GPR75: variants seen among roughly 807,000 people sequenced by gnomAD.
The protein encoded by GPR75 is G protein-coupled receptor 75.
Under a neutral mutation model 26.0 loss-of-function variants are expected in GPR75, and 27 were observed. That is an observed-to-expected ratio of 1.04 (90% CI 0.77 to 1.43). GPR75 has a LOEUF of 1.43. GPR75 is among the 40% of genes most tolerant of loss of function. The pLI, the probability that GPR75 is intolerant of heterozygous loss-of-function variation, is 0.00. For synonymous variants in GPR75, 285 were observed against 256.3 expected, an observed-to-expected ratio of 1.11 and a Z score of -1.07; for missense variants, 699 against 662.3, an observed-to-expected ratio of 1.06 and a Z score of -0.61.
rs146356198 is a variant in GPR75, at chr2:53,854,327, G to A, written c.430C>T (p.Leu144Phe). ...GGCTGTTTCCCCAACACCATCCGGA[G>A]CCGGTGCAGGGCGATCACTGCCACT... is the stretch of plus-strand genomic sequence containing the variant. The part of the protein sequence containing the change: ...KTVAVIALHR[L>F]RMVLGKQPNR... The change falls in exon 2 of 2, where the codon CTC (leucine) becomes TTC (phenylalanine). Residue 144 changes from leucine (L) to phenylalanine (F), a missense_variant. By Grantham distance (22) the Leu-to-Phe change is conservative. Coordinates refer to ENST00000394705, the MANE Select transcript of GPR75 (RefSeq NM_006794.4). 1.2e-6 allele frequency: 2 copies of A among 1,613,936 alleles called. No homozygotes were observed. The highest frequency in any genetic ancestry group is 1.7e-6 in the Non-Finnish European group (2 of 1,180,012).
In GPR75 at chr2:53,853,822, G is replaced by C; in HGVS notation, c.935C>G (p.Ser312Cys). The C allele has an allele frequency of 6.2e-7, 1 of 1,614,180 alleles. No individual in the cohort carries two copies. The highest frequency in any genetic ancestry group is 8.5e-7 in the Non-Finnish European group (1 of 1,180,014). ...RLQLVSAINL[S>C]TAKDSKAVVT... is the part of the protein sequence containing the mutation. The stretch of plus-strand genomic sequence containing the variant: ...CACGGCTTTGGAATCCTTGGCAGTG[G>C]AGAGGTTGATGGCTGATACGAGCTG... Residue 312 changes from serine (S) to cysteine (C), a missense_variant, in exon 2 of 2, where the codon TCC (serine) becomes TGC (cysteine). Ser to Cys is a moderately radical substitution (Grantham distance 112). Transcript: ENST00000394705.
At position 53,855,935 on chromosome 2, in the gene GPR75, T is replaced by C. The variant is rs1013507448; in HGVS notation, c.-109-1070A>G. 3.3e-5 allele frequency among the ~76,000 whole-genome samples: 5 copies of C among 152,198 alleles called. No individual in the cohort carries two copies. The East Asian group carries it at 9.6e-4, about 29-fold the overall frequency. On this transcript the variant is annotated intron_variant, in intron 1 of 1. Transcript: ENST00000394705. Reference sequence around the variant, plus strand: ...ACGGAAAACTGGAAGTAACCAAGGATGTTGGAATTATATTAGAAATTTACA... The same window carrying C: ...ACGGAAAACTGGAAGTAACCAAGGACGTTGGAATTATATTAGAAATTTACA...
chr2:53,853,546 T>G lies in GPR75; in HGVS notation c.1211A>C (p.Lys404Thr), dbSNP rs1389376394. ...IGLGFFCCKQKTRLRAMGKGN... is the reference protein window; with the variant it reads ...IGLGFFCCKQTTRLRAMGKGN... The stretch of plus-strand genomic sequence containing the variant: ...TTTTCCCATGGCTCGAAGTCGAGTC[T>G]TTTGTTTGCAGCAGAAAAAACCCAG... The change falls in exon 2 of 2, where the codon AAG (lysine) becomes ACG (threonine). Residue 404 changes from lysine to threonine, a missense_variant. By Grantham distance (78) the Lys-to-Thr change is moderately conservative. Transcript: ENST00000394705. 6.2e-7 allele frequency: 1 copy of G among 1,614,214 alleles called. No individual in the cohort carries two copies. Among genetic ancestry groups the G allele is most frequent in the Non-Finnish European group, 8.5e-7 (1 of 1,180,034 alleles).
rs1470672317 is a variant in GPR75, at chr2:53,853,106, T to G, written c.*28A>C. The G allele has an allele frequency of 6.5e-7, 1 of 1,542,196 alleles. No individual in the cohort carries two copies. Among genetic ancestry groups the G allele is most frequent in the Non-Finnish European group, 8.9e-7 (1 of 1,128,604 alleles). On this transcript the variant is annotated 3_prime_UTR_variant, in exon 2 of 2. Transcript: ENST00000394705. ...ATTACTATCAGAAACAAAAACTGTT[T>G]ACATAAGATCCTATAGCCTCCATGA...
At position 53,854,601 on chromosome 2, in the gene GPR75, G is replaced by C; in HGVS notation, c.156C>G (p.Ile52Met). Residue 52 changes from isoleucine (I) to methionine (M), a missense_variant, in exon 2 of 2, where the codon ATC (isoleucine) becomes ATG (methionine). By Grantham distance (10) the Ile-to-Met change is conservative. Transcript: ENST00000394705. ...LVTCTFLLAVIFCLGSYGNFI... is the reference protein window; with the variant it reads ...LVTCTFLLAVMFCLGSYGNFI... ...AGTTGCCATAGGAACCCAGGCAGAA[G>C]ATGACCGCCAGTAGAAAAGTACAGG... is the stretch of plus-strand genomic sequence containing the variant. The C allele has an allele frequency of 6.2e-7, 1 of 1,614,128 alleles. No homozygotes were observed.
In GPR75 at chr2:53,853,689, C is replaced by G. The variant is rs1185725846; in HGVS notation, c.1068G>C (p.Gln356His). 1 of 1,613,676 alleles carries G rather than the reference C, an allele frequency of 6.2e-7. No individual in the cohort carries two copies. Among genetic ancestry groups the G allele is most frequent in the South Asian group, 1.1e-5 (1 of 91,070 alleles). The change falls in exon 2 of 2, where the codon CAG becomes CAC. Residue 356 changes from glutamine (Q) to histidine (H), a missense_variant. Coordinates refer to ENST00000394705, the MANE Select transcript of GPR75 (RefSeq NM_006794.4). ...TAAGAGTAAATCCAAACAATTCAAA[C>G]TGGTAAAGAATGAAGCTCCCATTGC... ...LSSNGSFILY[Q>H]FELFGFTLIF...
rs1272731285 is a variant in GPR75 at position 53,853,660 on chromosome 2, A to T, written c.1097T>A (p.Phe366Tyr). 1.2e-6 allele frequency: 2 copies of T among 1,614,060 alleles called. No individual in the cohort carries two copies. Among genetic ancestry groups the T allele is most frequent in the Admixed American group, 3.3e-5 (2 of 60,020 alleles). Residue 366 changes from phenylalanine to tyrosine, a missense_variant, in exon 2 of 2, where the codon TTT (phenylalanine) becomes TAT (tyrosine). Phe to Tyr is a conservative substitution (Grantham distance 22). Transcript: ENST00000394705. Reference protein sequence around the residue: ...QFELFGFTLIFFKSGLNPFIY... With the variant: ...QFELFGFTLIYFKSGLNPFIY... Reference sequence around the variant, plus strand: ...AAAAGGGTTTAATCCTGACTTGAAAAATATAAGAGTAAATCCAAACAATTC... The same window carrying T: ...AAAAGGGTTTAATCCTGACTTGAAATATATAAGAGTAAATCCAAACAATTC...
chr2:53,854,015 T>C lies in GPR75; in HGVS notation c.742A>G (p.Arg248Gly). 1 of 1,614,212 alleles carries C rather than the reference T, an allele frequency of 6.2e-7. No individual in the cohort carries two copies. Among genetic ancestry groups the C allele is most frequent in the Non-Finnish European group, 8.5e-7 (1 of 1,180,022 alleles). Reference sequence around the variant, plus strand: ...GGGACCCCCATGAAAGGCTGTGGTCTGGAAGCATCGACTGTGATTACAGGG... The same window carrying C: ...GGGACCCCCATGAAAGGCTGTGGTCCGGAAGCATCGACTGTGATTACAGGG... ...CPPVITVDAS[R>G]PQPFMGVPVQ... The change falls in exon 2 of 2, where the codon AGA becomes GGA. Residue 248 changes from arginine (R) to glycine (G), a missense_variant. Coordinates refer to ENST00000394705, the MANE Select transcript of GPR75 (RefSeq NM_006794.4).
chr2:53,853,482 A>G lies in GPR75; in HGVS notation c.1275T>C (p.His425=). Residue 425 remains histidine, a synonymous_variant, in exon 2 of 2, where the codon CAT becomes CAC. Coordinates refer to ENST00000394705, the MANE Select transcript of GPR75 (RefSeq NM_006794.4). ...LEVNRNKSSH[H]ETNSAYMLSP... ...ATAACATGTAGGCAGAGTTTGTTTC[A>G]TGATGGGAGGATTTGTTTCTGTTGA... 1.2e-6 allele frequency: 2 copies of G among 1,614,142 alleles called. No homozygotes were observed. The highest frequency in any genetic ancestry group is 1.7e-6 in the Non-Finnish European group (2 of 1,179,996).
intron 1 of GPR75, among the ~76,000 whole-genome samples, chr2:53,856,345 G>T (rs1261573063): frequency 6.6e-6 from 1 of 152,188 alleles, no homozygotes; most frequent in African/African-American, 2.4e-5. Context: ...CTTGGAGACA[G>T]CACTATGTTC....
chr2:53,859,504 G>A (rs926002975), intron 1 of GPR75, among the ~76,000 whole-genome samples: 3 of 152,012 alleles, frequency 2.0e-5, no homozygotes, highest in African/African-American at 7.2e-5. Context: ...GGGGCTTCCC[G>A]GAGAAGGGTG....
Position 53,854,158 on chromosome 2 carries a change from C to A in GPR75, c.599G>T (p.Gly200Val). 6.2e-7 allele frequency: 1 copy of A among 1,614,128 alleles called. No individual in the cohort carries two copies. The highest frequency in any genetic ancestry group is 1.3e-5 in the African/African-American group (1 of 75,022). The change falls in exon 2 of 2, where the codon GGG (glycine) becomes GTG (valine). Residue 200 changes from glycine (G) to valine (V), a missense_variant. By Grantham distance (109) the Gly-to-Val change is moderately radical. Transcript: ENST00000394705. ...LPMSSLIAGKGKAILSLYVVD... is the reference protein window; with the variant it reads ...LPMSSLIAGKVKAILSLYVVD... Reference sequence around the variant, plus strand: ...CACATAGAGAGACAAAATGGCTTTCCCTTTTCCAGCAATCAGACTGGACAT... The same window carrying A: ...CACATAGAGAGACAAAATGGCTTTCACTTTTCCAGCAATCAGACTGGACAT...
rs1440470023 is a variant in GPR75 at position 53,853,008 on chromosome 2, C to T, written c.*126G>A. 2 of 661,032 alleles carry T rather than the reference C, an allele frequency of 3.0e-6. No homozygotes were observed. The highest frequency in any genetic ancestry group is 5.1e-6 in the Non-Finnish European group (2 of 391,128). The allele number at this position is 661,032 out of a possible 1,614,324, so 40.9% of individuals were successfully genotyped here. On this transcript the variant is annotated 3_prime_UTR_variant, in exon 2 of 2. Coordinates refer to ENST00000394705, the MANE Select transcript of GPR75 (RefSeq NM_006794.4). ...TACTGACACATCAGATGAAAGAAAA[C>T]CATAACTGCCAACTTTTCAGTTGAA...
rs149424777 is a variant in GPR75, at chr2:53,854,413, T to G, written c.344A>C (p.Asp115Ala). The G allele has an allele frequency of 6.2e-7, 1 of 1,614,034 alleles. No individual in the cohort carries two copies. Among genetic ancestry groups the G allele is most frequent in the African/African-American group, 1.3e-5 (1 of 75,012 alleles). ...GAGATGGAAAGTGAAGCAGAAAGCA[T>G]CCGGGATACTACTGGCTGAGCTGAA... ...LFFSSASSIP[D>A]AFCFTFHLTS... is the part of the protein sequence containing the mutation. Residue 115 changes from aspartate to alanine, a missense_variant, in exon 2 of 2, where the codon GAT (aspartate) becomes GCT (alanine). Coordinates refer to ENST00000394705, the MANE Select transcript of GPR75 (RefSeq NM_006794.4).
Position 53,859,958 on chromosome 2 carries a change from G to T in GPR75, c.-240C>A. On this transcript the variant is annotated 5_prime_UTR_variant, in exon 1 of 2. Transcript: ENST00000394705. ...ACCGCCTCCGCGCATCCCGGGAGCCGCGGCAAGACGCGGGCGCAGAGGCGC... is the reference window on the plus strand; with the variant it reads ...ACCGCCTCCGCGCATCCCGGGAGCCTCGGCAAGACGCGGGCGCAGAGGCGC... 1.4e-6 allele frequency: 2 copies of T among 1,474,022 alleles called. No individual in the cohort carries two copies. The highest frequency in any genetic ancestry group is 1.3e-5 in the South Asian group (1 of 78,832). 91.3% of individuals were successfully genotyped at this position (1,474,022 alleles called of 1,614,324 possible).
chr2:53,859,766 C>T, intron 1 of GPR75, 62 bp downstream of exon 1: 5 of 1,325,066 alleles, frequency 3.8e-6, no homozygotes, highest in Non-Finnish European at 5.1e-6. Flanking sequence ...ATCCCGCCAG[C>T]CTCCGGGAGC....
intron 1 of GPR75, among the ~76,000 whole-genome samples, chr2:53,856,277 G>C (rs1347563930): frequency 6.6e-6 from 1 of 152,052 alleles, no homozygotes; most frequent in Non-Finnish European, 1.5e-5. Context: ...AGTCCTGCAA[G>C]GGTTGGTGCC....
At position 53,853,777 on chromosome 2, in the gene GPR75, A is replaced by C. The variant is rs1678152238; in HGVS notation, c.980T>G (p.Val327Gly). The change falls in exon 2 of 2, where the codon GTG (valine) becomes GGG (glycine). Residue 327 changes from valine (V) to glycine (G), a missense_variant. Physicochemically the swap from Val to Gly is moderately radical, Grantham distance 109. Coordinates refer to ENST00000394705, the MANE Select transcript of GPR75 (RefSeq NM_006794.4). ...AAGACAGCACACCAGGACTGACAGC[A>C]CAATGATCACACAGGTGACCACGGC... Reference protein sequence around the residue: ...SKAVVTCVIIVLSVLVCCLPL... With the variant: ...SKAVVTCVIIGLSVLVCCLPL... The C allele has an allele frequency of 6.2e-7, 1 of 1,614,254 alleles. No individual in the cohort carries two copies.
Position 53,853,177 on chromosome 2 carries a change from TATTCCTGCACTA to T in GPR75, c.1568_1579del (p.Leu523_Glu526del), listed in dbSNP as rs1316271330. On this transcript the variant is annotated inframe_deletion, in exon 2 of 2. Coordinates refer to ENST00000394705, the MANE Select transcript of GPR75 (RefSeq NM_006794.4). ...AATCTGCTTGGCTGAAGTGCTGTCA[TATTCCTGCACTA>T]AGTCATTAGTGGTGTGATAATGCAT... The T allele has an allele frequency of 1.9e-6, 3 of 1,614,102 alleles. No individual in the cohort carries two copies. The highest frequency in any genetic ancestry group is 3.3e-5 in the Admixed American group (2 of 60,030).
Sources: allele counts gnomAD v4.1 joint callset (sites outside exome capture counted in the v4.1 genomes callset), GRCh38; gene constraint gnomAD v4.1.1; transcripts MANE v1.5; gene names NCBI Gene and HGNC (gene_info 2026-07-23, HGNC 2026-07-21).